Variants in INPP4B observed in about 807,000 individuals in gnomAD.
INPP4B encodes the protein inositol polyphosphate 4-phosphatase type II.
A neutral mutation model predicts 122.5 loss-of-function variants in INPP4B; 55 were observed. The ratio of observed to expected loss-of-function variants is 0.45; its 90% CI spans 0.36 to 0.56. The LOEUF (loss-of-function observed/expected upper bound fraction) is 0.56. INPP4B is among the 20% of genes least tolerant of loss of function. INPP4B has a pLI of 0.00. For missense variants in INPP4B, 1,000 were observed against 1,097.7 expected, an observed-to-expected ratio of 0.91 and a Z score of 1.26; for synonymous variants, 403 against 388.7, an observed-to-expected ratio of 1.04 and a Z score of -0.43.
chr4:142,174,719 G>A (rs534251828), intron 15 of INPP4B, among the ~76,000 whole-genome samples: 4 of 151,950 alleles, frequency 2.6e-5, no homozygotes, highest in African/African-American at 9.6e-5. Context: ...CTAACTCTTT[G>A]TCGGCAATGA....
intron 2 of INPP4B, among the ~76,000 whole-genome samples, chr4:142,510,512 C>T (rs989054913): frequency 2.0e-5 from 3 of 152,148 alleles, no homozygotes; most frequent in Non-Finnish European, 4.4e-5. Context: ...AATAATTAAA[C>T]GCCTCTTTTG....
chr4:142,198,329 GT>G (rs1839222635), intron 14 of INPP4B, among the ~76,000 whole-genome samples: 2 of 151,790 alleles, frequency 1.3e-5, no homozygotes, highest in African/African-American at 4.8e-5. Context: ...ACATACAGAG[GT>G]TTCAGTATGA....
At chr4:142,501,364 C>T (rs904542957) in intron 2 of INPP4B, among the ~76,000 whole-genome samples, 1 of 151,956 alleles carries the variant, frequency 6.6e-6, no homozygotes, top group Non-Finnish European at 1.5e-5. Flanking sequence ...AGAAATCTGC[C>T]CAGAGAAGTA....
intron 2 of INPP4B, among the ~76,000 whole-genome samples, chr4:142,531,931 C>A (rs1219544130): frequency 6.6e-6 from 1 of 152,044 alleles, no homozygotes; most frequent in Non-Finnish European, 1.5e-5. Flanking sequence ...TTTTTAATAT[C>A]CAATTTCACC....
intron 1 of INPP4B, among the ~76,000 whole-genome samples, chr4:142,761,079 T>C (rs1580853771): frequency 6.6e-6 from 1 of 152,060 alleles, no homozygotes; most frequent in African/African-American, 2.4e-5. Context: ...GAAGCTTCTC[T>C]GGCCCAGGAC....
At chr4:142,448,024 T>C (rs925621335) in intron 3 of INPP4B, among the ~76,000 whole-genome samples, 2 of 152,102 alleles carry the variant, frequency 1.3e-5, no homozygotes, top group Non-Finnish European at 2.9e-5. Context: ...TGGGAGAAGA[T>C]AGTCATGGCC....
At chr4:142,539,682 T>C (rs1439786196) in intron 2 of INPP4B, among the ~76,000 whole-genome samples, 1 of 152,048 alleles carries the variant, frequency 6.6e-6, no homozygotes, top group East Asian at 1.9e-4. Context: ...CGAATAAACA[T>C]CATTCACCAG....
rs967587367 is a variant in INPP4B, at chr4:142,235,960, T to C, written c.836+1904A>G. 3.9e-5 allele frequency among the ~76,000 whole-genome samples: 6 copies of C among 152,214 alleles called. No individual in the cohort carries two copies. The South Asian group carries it at 6.2e-4, about 16-fold the overall frequency. On this transcript the variant is annotated intron_variant, in intron 12 of 25. Transcript: ENST00000262992. ...GTATTTGGAATTATAGAATAAATTA[T>C]TGTTAACTGTAATTAGAAATCTAGT...
intron 25 of INPP4B, among the ~76,000 whole-genome samples, chr4:142,070,273 A>G (rs1410838032): frequency 2.6e-5 from 4 of 152,214 alleles, no homozygotes; most frequent in African/African-American, 7.2e-5. Context: ...AATGCCTTCG[A>G]CAAAATTCGA....
chr4:142,335,967 G>T (rs954854901), intron 7 of INPP4B, among the ~76,000 whole-genome samples: 1 of 152,130 alleles, frequency 6.6e-6, no homozygotes. Flanking sequence ...AACTTCCGTG[G>T]TGTCTCTTAG....
chr4:142,297,939 A>G (rs754600585), intron 9 of INPP4B, among the ~76,000 whole-genome samples: 4 of 152,140 alleles, frequency 2.6e-5, no homozygotes, highest in Admixed American at 6.5e-5. Context: ...ACATTTATTA[A>G]TTGCCCAGAA....
At chr4:142,554,941 T>C (rs1728821353) in intron 2 of INPP4B, among the ~76,000 whole-genome samples, 1 of 152,188 alleles carries the variant, frequency 6.6e-6, no homozygotes, top group Non-Finnish European at 1.5e-5. Flanking sequence ...CCCAAACTCT[T>C]TGCCTACAAA....
At chr4:142,353,179 T>G (rs1449842676) in intron 7 of INPP4B, among the ~76,000 whole-genome samples, 1 of 152,036 alleles carries the variant, frequency 6.6e-6, no homozygotes. Context: ...TAGTCTACTT[T>G]CATCTTATTA....
intron 5 of INPP4B, among the ~76,000 whole-genome samples, chr4:142,410,970 A>AT (rs1401234100): frequency 6.6e-6 from 1 of 152,040 alleles, no homozygotes; most frequent in African/African-American, 2.4e-5. Context: ...TATACCTGTG[A>AT]TTTTTTTCAC....
chr4:142,803,886 G>A (rs113092866), intron 1 of INPP4B, among the ~76,000 whole-genome samples: 6 of 151,628 alleles, frequency 4.0e-5, no homozygotes, highest in African/African-American at 9.7e-5. Context: ...GTGAAATCCC[G>A]TCTCTACTAA....
At chr4:142,551,855 C>T (rs1421186853) in intron 2 of INPP4B, among the ~76,000 whole-genome samples, 2 of 152,116 alleles carry the variant, frequency 1.3e-5, no homozygotes, top group East Asian at 3.9e-4. Context: ...TAATTTGAGC[C>T]AATTCTATCT....
chr4:142,049,816 G>C (rs545502629), intron 25 of INPP4B, among the ~76,000 whole-genome samples: 11 of 152,062 alleles, frequency 7.2e-5, no homozygotes, highest in Admixed American at 2.6e-4. Context: ...GTCATTATGT[G>C]GTGGGCACTA....
chr4:142,034,808 G>C (rs1742827392), intron 25 of INPP4B, among the ~76,000 whole-genome samples: 1 of 152,074 alleles, frequency 6.6e-6, no homozygotes, highest in African/African-American at 2.4e-5. Context: ...AACTTCTCCT[G>C]TCCTTTCTAA....
chr4:142,274,918 C>G (rs1446690047), intron 9 of INPP4B, among the ~76,000 whole-genome samples: 1 of 151,778 alleles, frequency 6.6e-6, no homozygotes, highest in Non-Finnish European at 1.5e-5. Flanking sequence ...TTCTCTTTCC[C>G]TCAGAAGATA....
Sources: allele counts gnomAD v4.1 joint callset (sites outside exome capture counted in the v4.1 genomes callset), GRCh38; gene constraint gnomAD v4.1.1; transcripts MANE v1.5; gene names NCBI Gene and HGNC (gene_info 2026-07-23, HGNC 2026-07-21).